PRKN: variants seen among roughly 807,000 people sequenced by gnomAD.
PRKN encodes the protein parkin RBR E3 ubiquitin protein ligase, also known as E3 ubiquitin-protein ligase parkin.
PRKN carries 56 observed loss-of-function variants against 59.5 expected under a neutral mutation model. The observed-to-expected ratio is 0.94, with a 90% CI of 0.76 to 1.18. The LOEUF (loss-of-function observed/expected upper bound fraction) is 1.18. Among genes scored for constraint, PRKN ranks in the 50% most tolerant of loss-of-function variants. PRKN has a pLI of 0.00. For synonymous variants in PRKN, 250 were observed against 222.1 expected (o/e 1.13, Z -1.12); for missense variants, 657 against 596.4 (o/e 1.10, Z -1.06).
In PRKN at chr6:161,354,082, A is replaced by T. The variant is rs1468056853; in HGVS notation, c.1286-3871T>A. 6.6e-6 allele frequency among the ~76,000 whole-genome samples: 1 copy of T among 152,248 alleles called. No homozygotes were observed. Among genetic ancestry groups the T allele is most frequent in the Non-Finnish European group, 1.5e-5 (1 of 68,040 alleles). ...CTAGCATTGTAAATGATATCTTGGT[A>T]CAGAAGCTAGAATTACAATGGCCTG... On this transcript the variant is annotated intron_variant, in intron 11 of 11. Coordinates refer to ENST00000366898, the MANE Select transcript of PRKN (RefSeq NM_004562.3). The surrounding 1 kb of genome is among the most constrained non-coding windows in gnomAD (Gnocchi z 6.7).
At chr6:162,141,601 T>C (rs185483950) in intron 4 of PRKN, among the ~76,000 whole-genome samples, 41 of 152,314 alleles carry the variant, frequency 2.7e-4, no homozygotes, top group African/African-American at 9.4e-4. Flanking sequence ...ACATGCTTGA[T>C]TTGGAGGCAA....
At chr6:162,447,463 C>T (rs12207190) in intron 1 of PRKN, among the ~76,000 whole-genome samples, 83,037 of 151,680 alleles carry the variant, frequency 0.55, 23,674 homozygotes, top group East Asian at 0.7. Flanking sequence ...AAACAACATA[C>T]CAGTAAACAT....
At chr6:162,152,664 G>C (rs986905885) in intron 4 of PRKN, among the ~76,000 whole-genome samples, 1 of 152,168 alleles carries the variant, frequency 6.6e-6, no homozygotes, top group Non-Finnish European at 1.5e-5. Flanking sequence ...AGAATAACAA[G>C]GTGACGGTGA....
intron 1 of PRKN, among the ~76,000 whole-genome samples, chr6:162,619,353 G>A (rs1357378349): frequency 1.3e-5 from 2 of 150,556 alleles, no homozygotes; most frequent in Admixed American, 6.6e-5. Context: ...TCACCATGTT[G>A]GCTAGGACGG....
At chr6:161,884,313 C>T (rs528083901) in intron 6 of PRKN, among the ~76,000 whole-genome samples, 2 of 152,282 alleles carry the variant, frequency 1.3e-5, no homozygotes, top group South Asian at 4.1e-4. Context: ...GTAGGTCTAT[C>T]AGTTTATATA....
chr6:161,710,298 G>T (rs1196252212), intron 7 of PRKN, among the ~76,000 whole-genome samples: 1 of 152,126 alleles, frequency 6.6e-6, no homozygotes, highest in Non-Finnish European at 1.5e-5. Flanking sequence ...GCCTTATGAT[G>T]GTGTAATGCT....
Position 162,134,247 on chromosome 6 carries a change from T to G in PRKN, c.534+66884A>C, listed in dbSNP as rs530255815. Among the ~76,000 whole-genome samples, 21 of 152,290 alleles carry G rather than the reference T, an allele frequency of 1.4e-4. No homozygotes were observed. In the South Asian group the frequency reaches 3.5e-3, roughly 26 times the overall value. On this transcript the variant is annotated intron_variant, in intron 4 of 11. Coordinates refer to ENST00000366898, the MANE Select transcript of PRKN (RefSeq NM_004562.3). ...TGGAAGCTTGAGTACATATACAATG[T>G]CACCACCAGAGTACATTTACAATGT...
chr6:162,272,471 G>C (rs918959915), intron 2 of PRKN, among the ~76,000 whole-genome samples: 1 of 151,810 alleles, frequency 6.6e-6, no homozygotes, highest in Non-Finnish European at 1.5e-5. Flanking sequence ...CATGGAATAC[G>C]CTGTATAGAA....
intron 4 of PRKN, among the ~76,000 whole-genome samples, chr6:162,144,324 A>G (rs955772108): frequency 2.6e-5 from 4 of 152,242 alleles, no homozygotes; most frequent in Non-Finnish European, 5.9e-5. Flanking sequence ...CACATCTTTC[A>G]AAAGATTGGT....
chr6:162,441,160 A>G (rs2105643), intron 2 of PRKN, among the ~76,000 whole-genome samples: 42,111 of 151,832 alleles, frequency 0.28, 6,077 homozygotes, highest in African/African-American at 0.36. Context: ...ATCAACTCCC[A>G]TCATGTTGGA....
chr6:162,047,721 G>T (rs1777442688), intron 5 of PRKN, among the ~76,000 whole-genome samples: 1 of 152,100 alleles, frequency 6.6e-6, no homozygotes, highest in South Asian at 2.1e-4. Flanking sequence ...AAACTTTTTG[G>T]ACATAAAATA....
chr6:162,702,256 G>A (rs1414308486), intron 1 of PRKN, among the ~76,000 whole-genome samples: 1 of 152,052 alleles, frequency 6.6e-6, no homozygotes, highest in African/African-American at 2.4e-5. Context: ...ATGATATATT[G>A]AGTCTCTGGT....
intron 2 of PRKN, among the ~76,000 whole-genome samples, chr6:162,338,485 C>T (rs1277432953): frequency 6.6e-6 from 1 of 152,166 alleles, no homozygotes; most frequent in Non-Finnish European, 1.5e-5. Flanking sequence ...AGCCCCTAAC[C>T]GCGAGTGATC....
chr6:161,600,266 C>A (rs1437673321), intron 7 of PRKN, among the ~76,000 whole-genome samples: 1 of 152,106 alleles, frequency 6.6e-6, no homozygotes, highest in Non-Finnish European at 1.5e-5. Flanking sequence ...TTTCCACTCC[C>A]AGAGGATACT....
At chr6:161,426,742 A>G (rs1443026094) in intron 9 of PRKN, among the ~76,000 whole-genome samples, 1 of 151,836 alleles carries the variant, frequency 6.6e-6, no homozygotes, top group Admixed American at 6.6e-5. Context: ...TTGTTGAGAC[A>G]GAGTCTCGCT....
At chr6:162,524,011 C>T (rs1778178874) in intron 1 of PRKN, among the ~76,000 whole-genome samples, 1 of 152,020 alleles carries the variant, frequency 6.6e-6, no homozygotes, top group South Asian at 2.1e-4. Flanking sequence ...GGAGAAGTTA[C>T]TTAACCTTTC....
intron 1 of PRKN, among the ~76,000 whole-genome samples, chr6:162,686,691 C>T (rs1467197185): frequency 6.6e-6 from 1 of 152,126 alleles, no homozygotes; most frequent in Non-Finnish European, 1.5e-5. Context: ...CTGGGTAAAT[C>T]GCTTGCACCC....
intron 1 of PRKN, among the ~76,000 whole-genome samples, chr6:162,605,596 C>T (rs1444349429): frequency 6.6e-6 from 1 of 151,990 alleles, no homozygotes; most frequent in East Asian, 1.9e-4. Flanking sequence ...CATTAAGAAA[C>T]CAATTACCAC....
intron 9 of PRKN, among the ~76,000 whole-genome samples, chr6:161,479,955 T>C (rs1791307128): frequency 6.6e-6 from 1 of 152,224 alleles, no homozygotes; most frequent in East Asian, 1.9e-4. Flanking sequence ...CAGTGACAAG[T>C]GTCATCCAGG....
Sources: allele counts gnomAD v4.1 joint callset (sites outside exome capture counted in the v4.1 genomes callset), GRCh38; gene constraint gnomAD v4.1.1; non-coding constraint Gnocchi (gnomAD v3.1); transcripts MANE v1.5; gene names NCBI Gene and HGNC (gene_info 2026-07-23, HGNC 2026-07-21).